Variants in ZBTB16 observed in about 807,000 individuals in gnomAD.
The protein encoded by ZBTB16 is zinc finger and BTB domain-containing protein 16.
A neutral mutation model predicts 56.8 loss-of-function variants in ZBTB16; 8 were observed. The observed-to-expected ratio is 0.14, with a 90% CI of 0.08 to 0.25. ZBTB16 has a LOEUF of 0.25. Ranked by LOEUF, ZBTB16 falls within the 10% of genes least tolerant of loss-of-function variation. ZBTB16 has a pLI of 1.00. For synonymous variants in ZBTB16, 363 were observed against 368.5 expected, an observed-to-expected ratio of 0.98 and a Z score of 0.17; for missense variants, 625 against 903.0, an observed-to-expected ratio of 0.69 and a Z score of 3.95.
rs149568851 is a variant in ZBTB16, at chr11:114,067,976, C to T, written c.1268+3408C>T. Among the ~76,000 whole-genome samples the T allele has an allele frequency of 2.5e-4, 37 of 149,856 alleles. No individual in the cohort carries two copies. The East Asian group carries it at 6.9e-3, about 28-fold the overall frequency. On this transcript the variant is annotated intron_variant, in intron 2 of 6. Coordinates refer to ENST00000335953, the MANE Select transcript of ZBTB16 (RefSeq NM_006006.6). The stretch of plus-strand genomic sequence containing the variant: ...TTTTTTCTACTGTTCTCTGTCTCCC[C>T]CCAACCCATCAGCAGTCTGAGAAAT...
At chr11:114,075,420 T>C (rs1339612013) in intron 2 of ZBTB16, among the ~76,000 whole-genome samples, 1 of 152,104 alleles carries the variant, frequency 6.6e-6, no homozygotes, top group Non-Finnish European at 1.5e-5. Context: ...AAAGGATGTG[T>C]ATACTTCAGT....
intron 4 of ZBTB16, among the ~76,000 whole-genome samples, chr11:114,190,715 G>T (rs899391626): frequency 2.1e-5 from 3 of 144,212 alleles, no homozygotes; most frequent in African/African-American, 8.0e-5. Flanking sequence ...CATCACTCAT[G>T]CCACCTCTCT....
Position 114,148,863 on chromosome 11 carries a change from G to GGTGTGTGTGTGT in ZBTB16, c.1269-7447_1269-7436dup, listed in dbSNP as rs35071911. Reference sequence around the variant, plus strand: ...ACAGTAGGGGCAACTGTTTTTTACTGGTGTGTGTGTGTGTGTGTGTGTGTG... The same window carrying GGTGTGTGTGTGT: ...ACAGTAGGGGCAACTGTTTTTTACTGGTGTGTGTGTGTGTGTGTGTGTGTGTGTGTGTGTGTG... On this transcript the variant is annotated intron_variant, in intron 2 of 6. Transcript: ENST00000335953. 2.9e-3 allele frequency among the ~76,000 whole-genome samples: 411 copies of GGTGTGTGTGTGT among 144,046 alleles called. 3 individuals are homozygous for GGTGTGTGTGTGT. Among genetic ancestry groups the GGTGTGTGTGTGT allele is most frequent in the African/African-American group, 9.5e-3 (364 of 38,298 alleles). The allele number at this position is 144,046 out of a possible 152,430, so 94.5% of individuals were successfully genotyped here.
rs527535391 is a variant in ZBTB16, at chr11:114,124,551, A to C, written c.1269-31786A>C. ...GAAGAGGCAAAAACAAAACAAAAAA[A>C]AAAACCAAAAAAAAAAAAAAACAAA... On this transcript the variant is annotated intron_variant, in intron 2 of 6. Transcript: ENST00000335953. 4.3e-4 allele frequency among the ~76,000 whole-genome samples: 59 copies of C among 137,136 alleles called. 1 individual carries two copies. In the South Asian group the frequency reaches 8.4e-3, roughly 20 times the overall value. 90.0% of individuals were successfully genotyped at this position (137,136 alleles called of 152,430 possible).
intron 3 of ZBTB16, among the ~76,000 whole-genome samples, chr11:114,175,846 G>A (rs191959958): frequency 1.6e-4 from 25 of 151,962 alleles, no homozygotes; most frequent in Non-Finnish European, 3.4e-4. Flanking sequence ...CTGGGGGACC[G>A]GGGCAGGGCC....
At chr11:114,104,154 T>C (rs1940708852) in intron 2 of ZBTB16, among the ~76,000 whole-genome samples, 1 of 152,192 alleles carries the variant, frequency 6.6e-6, no homozygotes, top group Admixed American at 6.5e-5. Flanking sequence ...TGCAGAGTTT[T>C]AGATTTTCTG....
At chr11:114,211,811 C>A (rs373559567) in intron 4 of ZBTB16, among the ~76,000 whole-genome samples, 1 of 152,026 alleles carries the variant, frequency 6.6e-6, no homozygotes, top group African/African-American at 2.4e-5. Context: ...TATAAGCTCG[C>A]GATGAAAGCT....
At chr11:114,180,278 G>A (rs2135039443) in intron 3 of ZBTB16, among the ~76,000 whole-genome samples, 1 of 152,336 alleles carries the variant, frequency 6.6e-6, no homozygotes, top group Admixed American at 6.5e-5. Flanking sequence ...CTCATCTGCA[G>A]GGTACCTGGG....
intron 2 of ZBTB16, among the ~76,000 whole-genome samples, chr11:114,139,959 C>T (rs930470650): frequency 1.3e-5 from 2 of 152,174 alleles, no homozygotes; most frequent in African/African-American, 4.8e-5. Context: ...GACCTCAGCT[C>T]TTGAACTCTG....
chr11:114,188,586 G>C (rs918576496), intron 4 of ZBTB16: 2 of 152,178 alleles, frequency 1.3e-5, no homozygotes, highest in Admixed American at 6.5e-5. Flanking sequence ...TCAATAAATA[G>C]TAGTAGGTAT....
intron 4 of ZBTB16, among the ~76,000 whole-genome samples, chr11:114,233,093 A>C (rs1417882845): frequency 6.8e-5 from 2 of 29,626 alleles, no homozygotes; most frequent in South Asian, 1.7e-3. Context: ...ACACACACAC[A>C]CACACACACA....
intron 4 of ZBTB16, among the ~76,000 whole-genome samples, chr11:114,217,323 A>G (rs112276049): frequency 6.6e-6 from 1 of 152,196 alleles, no homozygotes; most frequent in African/African-American, 2.4e-5. Flanking sequence ...GGTTCTGTGC[A>G]GGTGAGATCA....
chr11:114,230,630 G>GT lies in ZBTB16; in HGVS notation c.1454-11536dup, dbSNP rs1278090503. On this transcript the variant is annotated intron_variant, in intron 4 of 6. Coordinates refer to ENST00000335953, the MANE Select transcript of ZBTB16 (RefSeq NM_006006.6). Reference sequence around the variant, plus strand: ...GCTGCTTAATTTGTAATCATCTTCTGTGGGGGGGGGGCGGGAAGGAGAGGA... The same window carrying GT: ...GCTGCTTAATTTGTAATCATCTTCTGTTGGGGGGGGGGCGGGAAGGAGAGGA... Among the ~76,000 whole-genome samples, 13 of 38,870 alleles carry GT rather than the reference G, an allele frequency of 3.3e-4. No homozygotes were observed. The South Asian group carries it at 4.0e-3, about 12-fold the overall frequency. The allele number at this position is 38,870 out of a possible 152,430, so 25.5% of individuals were successfully genotyped here.
intron 4 of ZBTB16, among the ~76,000 whole-genome samples, chr11:114,235,629 C>CCTTCCTTCCTTTCTTTCTTT (rs767837990): frequency 6.1e-5 from 6 of 97,854 alleles, no homozygotes; most frequent in East Asian, 6.1e-4. Flanking sequence ...CCTCTCCCTT[C>CCTTCCTTCCTTTCTTTCTTT]CTTTCTTTCT....
chr11:114,223,554 G>T (rs1944278088), intron 4 of ZBTB16, among the ~76,000 whole-genome samples: 1 of 152,222 alleles, frequency 6.6e-6, no homozygotes. Flanking sequence ...GTATTTATTT[G>T]TTTATTAATT....
chr11:114,188,350 G>A (rs1008037307), intron 4 of ZBTB16: 5 of 152,212 alleles, frequency 3.3e-5, no homozygotes, highest in African/African-American at 1.2e-4. Context: ...GCGTGGTAGA[G>A]TCTTATAGTT....
At chr11:114,205,626 T>C (rs1349579718) in intron 4 of ZBTB16, among the ~76,000 whole-genome samples, 2 of 152,200 alleles carry the variant, frequency 1.3e-5, no homozygotes, top group African/African-American at 4.8e-5. Context: ...CTGCCTCGGA[T>C]TTTCTATTAC....
intron 2 of ZBTB16, among the ~76,000 whole-genome samples, chr11:114,084,161 A>C (rs1405660154): frequency 6.6e-6 from 1 of 152,064 alleles, no homozygotes; most frequent in Non-Finnish European, 1.5e-5. Context: ...TTGCTCCCAG[A>C]GGCTGCAGTT....
intron 4 of ZBTB16, among the ~76,000 whole-genome samples, chr11:114,241,790 C>T (rs771279811): frequency 1.3e-5 from 2 of 152,084 alleles, no homozygotes; most frequent in Admixed American, 6.6e-5. Context: ...TGTTTTTTCT[C>T]GCAGGGTCTA....
Sources: allele counts gnomAD v4.1 joint callset (sites outside exome capture counted in the v4.1 genomes callset), GRCh38; gene constraint gnomAD v4.1.1; transcripts MANE v1.5; gene names NCBI Gene and HGNC (gene_info 2026-07-23, HGNC 2026-07-21).